The following TAOK3 variants were observed in gnomAD, a reference collection of about 807,000 sequenced individuals.
TAOK3 encodes serine/threonine-protein kinase TAO3.
In TAOK3, 40 loss-of-function variants were observed where a neutral mutation model predicts 120.4. That is an observed-to-expected ratio of 0.33 (90% CI 0.26 to 0.43). The LOEUF (loss-of-function observed/expected upper bound fraction) is 0.43, where lower values mean the gene tolerates loss of function less well. Among genes scored for constraint, TAOK3 ranks in the 20% least tolerant of loss-of-function variants. TAOK3 has a pLI of 1.00. For missense variants in TAOK3, 821 were observed against 1,112.1 expected (o/e 0.74, Z 3.72); for synonymous variants, 355 against 387.5 (o/e 0.92, Z 0.99).
Position 118,224,394 on chromosome 12 carries a change from G to C in TAOK3, c.643+9280C>G, listed in dbSNP as rs576996324. ...TAAACTATAAGGGGCTAATGTATAA[G>C]AAGAAAATTCCAGGCAGAGAATCTA... On this transcript the variant is annotated intron_variant, in intron 9 of 20. Coordinates refer to ENST00000392533, the MANE Select transcript of TAOK3 (RefSeq NM_016281.4). Among the ~76,000 whole-genome samples, 30 of 152,318 alleles carry C rather than the reference G, an allele frequency of 2.0e-4. No individual in the cohort carries two copies. In the East Asian group the frequency reaches 5.2e-3, roughly 26 times the overall value.
chr12:118,236,029 C>A, intron 7 of TAOK3: 1 of 167,614 alleles, frequency 6.0e-6, no homozygotes, highest in South Asian at 1.6e-4. Context: ...ATAGTATTCC[C>A]TGTGCTGAGA....
chr12:118,347,531 A>G (rs1251690725), intron 1 of TAOK3, among the ~76,000 whole-genome samples: 1 of 152,088 alleles, frequency 6.6e-6, no homozygotes, highest in Non-Finnish European at 1.5e-5. Context: ...TCCAAGTCCA[A>G]CAGGAGTCCT....
intron 17 of TAOK3, among the ~76,000 whole-genome samples, chr12:118,170,618 C>G (rs2035940203): frequency 6.6e-6 from 1 of 152,116 alleles, no homozygotes; most frequent in African/African-American, 2.4e-5. Context: ...TAAAAATTAA[C>G]CGGGCGTGGT....
At chr12:118,242,929 G>A (rs960678146) in intron 5 of TAOK3, among the ~76,000 whole-genome samples, 2 of 149,188 alleles carry the variant, frequency 1.3e-5, no homozygotes, top group African/African-American at 4.9e-5. Flanking sequence ...GTGTGTGCAT[G>A]TGTATATATA....
chr12:118,281,014 A>G (rs1164747645), intron 1 of TAOK3, among the ~76,000 whole-genome samples: 1 of 152,136 alleles, frequency 6.6e-6, no homozygotes, highest in Non-Finnish European at 1.5e-5. Context: ...CTCTTCATAT[A>G]TAGGAATGCT....
chr12:118,270,228 TA>T (rs147108143), intron 1 of TAOK3, among the ~76,000 whole-genome samples: 18,406 of 152,210 alleles, frequency 0.12, 1,200 homozygotes, highest in Middle Eastern at 0.15. Context: ...CCCTGTCCCT[TA>T]ACATTCAATT....
chr12:118,170,222 TC>T (rs1168599960), intron 17 of TAOK3, among the ~76,000 whole-genome samples: 2 of 152,148 alleles, frequency 1.3e-5, no homozygotes, highest in East Asian at 3.9e-4. Flanking sequence ...AGGCTTTTTC[TC>T]CCTTAATTAT....
At chr12:118,352,616 C>T (rs1459093779) in intron 1 of TAOK3, among the ~76,000 whole-genome samples, 1 of 152,144 alleles carries the variant, frequency 6.6e-6, no homozygotes, top group Non-Finnish European at 1.5e-5. Flanking sequence ...CTTCATTTGT[C>T]TCACATTTTT....
chr12:118,254,768 T>A (rs1291764589), intron 3 of TAOK3, among the ~76,000 whole-genome samples: 2 of 152,054 alleles, frequency 1.3e-5, no homozygotes, highest in East Asian at 1.9e-4. Flanking sequence ...TTTTTTTTTT[T>A]ATTTTTTGAG....
In TAOK3 at chr12:118,336,701, C is replaced by G. The variant is rs117570919; in HGVS notation, c.-194+35947G>C. ...AAGTATTTGCAAACCACATATCTGA[C>G]AAAGGACTAGTATGTAAAAAATATC... is the stretch of plus-strand genomic sequence containing the variant. On this transcript the variant is annotated intron_variant, in intron 1 of 20. Transcript: ENST00000392533. 1.5e-3 allele frequency among the ~76,000 whole-genome samples: 226 copies of G among 152,206 alleles called. 5 individuals are homozygous for G. The East Asian group carries it at 0.017, about 11-fold the overall frequency.
intron 1 of TAOK3, among the ~76,000 whole-genome samples, chr12:118,298,064 G>A (rs2042747744): frequency 6.6e-6 from 1 of 152,122 alleles, no homozygotes; most frequent in East Asian, 1.9e-4. Context: ...ATAGGCATGA[G>A]CCATCATGCC....
intron 15 of TAOK3, among the ~76,000 whole-genome samples, chr12:118,179,389 A>C (rs1015413652): frequency 6.6e-6 from 1 of 152,166 alleles, no homozygotes; most frequent in African/African-American, 2.4e-5. Flanking sequence ...GATCTGCTTA[A>C]TTTTGTTTTC....
intron 1 of TAOK3, among the ~76,000 whole-genome samples, chr12:118,319,712 T>C (rs1271607035): frequency 6.6e-6 from 1 of 152,152 alleles, no homozygotes; most frequent in Non-Finnish European, 1.5e-5. Flanking sequence ...TTGGTGAGGA[T>C]GTGAAGACAC....
chr12:118,332,203 G>C (rs2044180829), intron 1 of TAOK3, among the ~76,000 whole-genome samples: 1 of 152,078 alleles, frequency 6.6e-6, no homozygotes, highest in South Asian at 2.1e-4. Flanking sequence ...TATACTAATT[G>C]TTTCTTTCTT....
chr12:118,221,087 C>G (rs1332841278), intron 9 of TAOK3, among the ~76,000 whole-genome samples: 1 of 152,262 alleles, frequency 6.6e-6, no homozygotes, highest in African/African-American at 2.4e-5. Context: ...TTGTCTATGA[C>G]TGCTTTCATC....
chr12:118,157,777 T>G (rs576573151), intron 19 of TAOK3, among the ~76,000 whole-genome samples: 29 of 152,356 alleles, frequency 1.9e-4, no homozygotes, highest in African/African-American at 6.7e-4. Context: ...AGGCACTCAA[T>G]GAATACTTGC....
chr12:118,273,771 G>A (rs896210621), intron 1 of TAOK3, among the ~76,000 whole-genome samples: 7 of 151,946 alleles, frequency 4.6e-5, no homozygotes, highest in East Asian at 3.9e-4. Context: ...AGCCGAGATC[G>A]TGCCATTGCA....
chr12:118,314,819 A>G (rs1306504542), intron 1 of TAOK3, among the ~76,000 whole-genome samples: 1 of 152,204 alleles, frequency 6.6e-6, no homozygotes, highest in Admixed American at 6.5e-5. Flanking sequence ...AGGTGAAAAA[A>G]ATTACTACAA....
rs534292317 is a variant in TAOK3 at position 118,281,235 on chromosome 12, G to A, written c.-193-14476C>T. Reference sequence around the variant, plus strand: ...TGGTCAGGACTTCCAGTGCTATGTTGAATAGGAGTGGTGATAGGGTCTTGT... The same window carrying A: ...TGGTCAGGACTTCCAGTGCTATGTTAAATAGGAGTGGTGATAGGGTCTTGT... On this transcript the variant is annotated intron_variant, in intron 1 of 20. Coordinates refer to ENST00000392533, the MANE Select transcript of TAOK3 (RefSeq NM_016281.4). 2.6e-5 allele frequency among the ~76,000 whole-genome samples: 4 copies of A among 152,212 alleles called. No homozygotes were observed. In the East Asian group the frequency reaches 7.7e-4, roughly 29 times the overall value.
Sources: gnomAD v4.1 joint callset for allele counts (sites outside exome capture counted in the v4.1 genomes callset) on GRCh38, gnomAD v4.1.1 for gene constraint, MANE v1.5 for transcripts, NCBI Gene and HGNC (gene_info 2026-07-23, HGNC 2026-07-21) for gene names.